EVL: variants seen among roughly 807,000 people sequenced by gnomAD.
EVL encodes Enah/Vasp-like.
Under a neutral mutation model 59.6 loss-of-function variants are expected in EVL, and 21 were observed. The observed-to-expected ratio is 0.35, with a 90% CI of 0.25 to 0.51. The LOEUF is 0.51. Ranked by LOEUF, EVL falls within the 20% of genes least tolerant of loss-of-function variation. The pLI, the probability that EVL is intolerant of heterozygous loss-of-function variation, is 0.97. For missense variants in EVL, 462 were observed against 546.6 expected (o/e 0.85, Z 1.54); for synonymous variants, 198 against 203.5 (o/e 0.97, Z 0.23).
At chr14:100,052,752 C>CA (rs750058813) in intron 1 of EVL, 3,587 of 124,416 alleles carry the variant, frequency 0.029, 50 homozygotes, top group East Asian at 0.044. Context: ...GACCGTGTCT[C>CA]AAAAAAAAAA....
chr14:99,973,587 C>G (rs545629508), intron 1 of EVL, among the ~76,000 whole-genome samples: 15 of 152,244 alleles, frequency 9.9e-5, no homozygotes, highest in African/African-American at 3.6e-4. Context: ...CTCAGCTTCC[C>G]GAGTAGCTGG....
intron 1 of EVL, among the ~76,000 whole-genome samples, chr14:100,021,516 C>T (rs187124714): frequency 4.6e-5 from 7 of 152,202 alleles, no homozygotes; most frequent in East Asian, 1.9e-4. Context: ...GTGGGGGCCC[C>T]GTGATCATGG....
intron 3 of EVL, among the ~76,000 whole-genome samples, chr14:100,112,886 G>C (rs1887092568): frequency 6.6e-6 from 1 of 152,200 alleles, no homozygotes; most frequent in Non-Finnish European, 1.5e-5. Context: ...GACCCCATCT[G>C]TGAATTACTG....
chr14:100,033,172 AC>A (rs1221962185), intron 1 of EVL, among the ~76,000 whole-genome samples: 1 of 152,228 alleles, frequency 6.6e-6, no homozygotes, highest in Non-Finnish European at 1.5e-5. Flanking sequence ...GTAGGGATTG[AC>A]AAAAGGGTTT....
At chr14:99,975,690 C>T (rs1451560890) in intron 1 of EVL, among the ~76,000 whole-genome samples, 1 of 152,092 alleles carries the variant, frequency 6.6e-6, no homozygotes, top group Non-Finnish European at 1.5e-5. Context: ...GAATCTAATA[C>T]TTCAGCTCAT....
At chr14:100,091,427 A>C (rs1024046413) in intron 2 of EVL, among the ~76,000 whole-genome samples, 1 of 152,154 alleles carries the variant, frequency 6.6e-6, no homozygotes, top group Non-Finnish European at 1.5e-5. Flanking sequence ...CTTTTTATCC[A>C]ATCACATTTC....
chr14:100,025,980 G>A (rs756948225), intron 1 of EVL, among the ~76,000 whole-genome samples: 2 of 152,232 alleles, frequency 1.3e-5, no homozygotes, highest in African/African-American at 4.8e-5. Context: ...GTGGGGCACA[G>A]TGGCTCACGC....
intron 1 of EVL, among the ~76,000 whole-genome samples, chr14:100,000,169 A>G (rs1001745403): frequency 1.3e-5 from 2 of 152,182 alleles, no homozygotes; most frequent in Non-Finnish European, 2.9e-5. Flanking sequence ...GGTCCTGACA[A>G]CGTGTGCCCA....
Position 100,144,020 on chromosome 14 carries a change from C to T in EVL, c.*282C>T. 2.1e-6 allele frequency: 1 copy of T among 476,246 alleles called. No individual in the cohort carries two copies. The highest frequency in any genetic ancestry group is 3.7e-6 in the Non-Finnish European group (1 of 268,010). The allele number at this position is 476,246 out of a possible 1,614,324, so 29.5% of individuals were successfully genotyped here. ...CATTTCTTTGGGTTTCTAGAGACGCCCCTAAGTCACCTGCTTCATTAGACG... is the reference window on the plus strand; with the variant it reads ...CATTTCTTTGGGTTTCTAGAGACGCTCCTAAGTCACCTGCTTCATTAGACG... On this transcript the variant is annotated 3_prime_UTR_variant, in exon 14 of 14. Coordinates refer to ENST00000392920, the MANE Select transcript of EVL (RefSeq NM_016337.3).
chr14:100,132,861 G>T, intron 8 of EVL, 82 bp downstream of exon 8: 2 of 1,512,790 alleles, frequency 1.3e-6, no homozygotes, highest in East Asian at 2.3e-5. Context: ...CTCAGGCGAG[G>T]CCTTTGGGAC....
intron 1 of EVL, among the ~76,000 whole-genome samples, chr14:100,084,176 C>A (rs550557856): frequency 1.1e-4 from 17 of 151,792 alleles, no homozygotes; most frequent in Admixed American, 3.9e-4. Context: ...CTCAGCCTCC[C>A]GAGTAGCTAG....
chr14:100,016,400 G>A (rs1228913468), intron 1 of EVL, among the ~76,000 whole-genome samples: 2 of 152,032 alleles, frequency 1.3e-5, no homozygotes, highest in African/African-American at 2.4e-5. Context: ...GTGGCGGCAC[G>A]TGCCTGTAAT....
intron 1 of EVL, chr14:100,019,431 G>T: frequency 1.9e-6 from 1 of 533,706 alleles, no homozygotes. Flanking sequence ...AGACTTGCTG[G>T]AATGATCACA....
chr14:100,036,805 A>C (rs1236716283), intron 1 of EVL, among the ~76,000 whole-genome samples: 1 of 152,158 alleles, frequency 6.6e-6, no homozygotes, highest in African/African-American at 2.4e-5. Context: ...TACGGACTAA[A>C]TTATGTCTCC....
rs113755313 is a variant in EVL at position 100,120,706 on chromosome 14, G to A, written c.359-2833G>A. ...AGCTATGGAGGACTGTCGGGGAGGC[G>A]CAGCCACAAGGTGGCCTGGGGCCTA... is the stretch of plus-strand genomic sequence containing the variant. On this transcript the variant is annotated intron_variant, in intron 3 of 13. Transcript: ENST00000392920. 3.3e-3 allele frequency among the ~76,000 whole-genome samples: 496 copies of A among 152,266 alleles called. 3 individuals are homozygous for A. Among genetic ancestry groups the A allele is most frequent in the African/African-American group, 7.3e-3 (304 of 41,558 alleles).
At chr14:100,065,620 C>CGAGA (rs372594744) in intron 1 of EVL, 109 bp downstream of exon 1, 7 of 558,914 alleles carry the variant, frequency 1.3e-5, no homozygotes, top group African/African-American at 9.7e-5. Context: ...GTATACTGAT[C>CGAGA]GAGAAGTCCA....
Position 100,109,424 on chromosome 14 carries a change from G to C in EVL, c.358+11766G>C, listed in dbSNP as rs189669291. 2.7e-6 allele frequency: 1 copy of C among 371,064 alleles called. No homozygotes were observed. The highest frequency in any genetic ancestry group is 5.4e-6 in the Non-Finnish European group (1 of 186,422). 23.0% of individuals were successfully genotyped at this position (371,064 alleles called of 1,614,324 possible). A position where few individuals can be genotyped will look rare whatever the true frequency, so the allele number is the denominator to read the frequency against. ...TTGGTGTCCCATTTGTTTGGACCCT[G>C]GGTTTGTTTGTCTAGACTGTGAGCT... On this transcript the variant is annotated intron_variant, in intron 3 of 13. Transcript: ENST00000392920. This position sits in a 1 kb window ranked among gnomAD's most constrained non-coding sequence, Gnocchi z 4.3.
At chr14:100,057,716 T>C (rs1011124241) in intron 1 of EVL, among the ~76,000 whole-genome samples, 3 of 152,206 alleles carry the variant, frequency 2.0e-5, no homozygotes, top group Admixed American at 6.5e-5. Flanking sequence ...TCAGGCAAAG[T>C]GGTTGAGAAT....
intron 1 of EVL, among the ~76,000 whole-genome samples, chr14:100,069,997 C>G (rs865881446): frequency 1.4e-5 from 2 of 146,920 alleles, no homozygotes; most frequent in African/African-American, 2.5e-5. Flanking sequence ...GAGGCCAACG[C>G]AGGTAGATCA....
Sources: gnomAD v4.1 joint callset for allele counts (sites outside exome capture counted in the v4.1 genomes callset) on GRCh38, gnomAD v4.1.1 for gene constraint, Gnocchi (gnomAD v3.1) non-coding constraint, MANE v1.5 for transcripts, NCBI Gene and HGNC (gene_info 2026-07-23, HGNC 2026-07-21) for gene names.